Variants in PTRH1 observed in about 807,000 individuals in gnomAD.
PTRH1 encodes the protein peptidyl-tRNA hydrolase 1 homolog.
A neutral mutation model predicts 15.7 loss-of-function variants in PTRH1; 13 were observed. That is an observed-to-expected ratio of 0.83 (90% CI 0.54 to 1.31). The LOEUF (loss-of-function observed/expected upper bound fraction) is 1.31. PTRH1 is among the 40% of genes most tolerant of loss of function. The probability of loss-of-function intolerance (pLI) is 0.00; values close to 1 mark genes in which losing one functional copy is unlikely to be tolerated. For missense variants in PTRH1, 319 were observed against 296.2 expected (o/e 1.08, Z -0.56); for synonymous variants, 139 against 136.7 (o/e 1.02, Z -0.12).
chr9:127,713,079 C>A (rs1564367499), downstream of PTRH1: 1 of 1,613,872 alleles, frequency 6.2e-7, no homozygotes, highest in African/African-American at 1.3e-5. Context: ...TCTGACATCA[C>A]CCCCTACCAG....
Position 127,705,734 on chromosome 9 carries a change from G to A in PTRH1, c.205+9701C>T, listed in dbSNP as rs911534896. Among the ~76,000 whole-genome samples the A allele has an allele frequency of 2.6e-5, 4 of 152,222 alleles. No individual in the cohort carries two copies. The highest frequency in any genetic ancestry group is 4.4e-5 in the Non-Finnish European group (3 of 68,038). The stretch of plus-strand genomic sequence containing the variant: ...GGGGAGGGGGCAATGTCCAGCAGGA[G>A]CAGGGCCATCGCATTGAGCTGGAAG... On this transcript the variant is annotated intron_variant, in intron 1 of 2. Transcript: ENST00000335223. The surrounding 1 kb of genome is among the most constrained non-coding windows in gnomAD (Gnocchi z 4.7).
chr9:127,714,724 C>T (rs369035380), intron 2 of PTRH1, 22 bp from the exon 3 acceptor site: 7 of 1,585,512 alleles, frequency 4.4e-6, no homozygotes, highest in Non-Finnish European at 5.2e-6. Flanking sequence ...GAAACGGCAG[C>T]CCTGGTTACT....
intron 1 of PTRH1, among the ~76,000 whole-genome samples, chr9:127,699,442 T>C (rs1356845692): frequency 6.6e-6 from 1 of 152,120 alleles, no homozygotes; most frequent in Admixed American, 6.5e-5. Context: ...CTTCCGGGGC[T>C]AGTAAGCGTC....
intron 1 of PTRH1, among the ~76,000 whole-genome samples, chr9:127,703,443 A>AAGAGAG (rs758847128): frequency 6.6e-6 from 1 of 151,572 alleles, no homozygotes; most frequent in East Asian, 1.9e-4. Flanking sequence ...AAGAGAAAGA[A>AAGAGAG]AGAGAGAGAG....
At position 127,715,531 on chromosome 9, in the gene PTRH1, C is replaced by G; in HGVS notation, c.96+13G>C. On this transcript the variant is annotated intron_variant, in intron 1 of 4. Transcript: ENST00000543175. The surrounding 1 kb of genome is among the most constrained non-coding windows in gnomAD (Gnocchi z 5.8). ...GACCGGGAGCCCCTACGTCGCCGCC[C>G]CACGCCACTCACCATCCACCGCTTC... The G allele has an allele frequency of 6.2e-7, 1 of 1,613,408 alleles. No individual in the cohort carries two copies. The highest frequency in any genetic ancestry group is 8.5e-7 in the Non-Finnish European group (1 of 1,180,028).
intron 1 of PTRH1, among the ~76,000 whole-genome samples, chr9:127,699,783 C>T (rs1264379247): frequency 1.3e-5 from 2 of 151,876 alleles, no homozygotes; most frequent in East Asian, 3.8e-4. Context: ...CCTAGGAGAA[C>T]AGGCACTTTT....
intron 1 of PTRH1, among the ~76,000 whole-genome samples, chr9:127,703,449 G>A (rs542106916): frequency 1.3e-5 from 2 of 152,096 alleles, no homozygotes; most frequent in South Asian, 4.2e-4. Flanking sequence ...AAGAAAGAGA[G>A]AGAGAGAGAA....
downstream of PTRH1, among the ~76,000 whole-genome samples, chr9:127,710,348 G>A (rs1357634921): frequency 6.6e-6 from 1 of 151,726 alleles, no homozygotes; most frequent in Non-Finnish European, 1.5e-5. Context: ...TATCAAGGAA[G>A]GCTTCTTGGA....
Position 127,715,080 on chromosome 9 carries a change from G to GC in PTRH1, c.210dup (p.His71AlafsTer51). 4 of 1,531,790 alleles carry GC rather than the reference G, an allele frequency of 2.6e-6. No individual in the cohort carries two copies. The highest frequency in any genetic ancestry group is 2.6e-6 in the Non-Finnish European group (3 of 1,145,132). The allele number at this position is 1,531,790 out of a possible 1,614,324, so 94.9% of individuals were successfully genotyped here. A position where few individuals can be genotyped will look rare whatever the true frequency, so the allele number is the denominator to read the frequency against. Reference sequence around the variant, plus strand: ...GCCAGGGCGAGGTCGGCGGCACAGTGCCGGTCGCGCGTCCAACTCTCCGCC... The same window carrying GC: ...GCCAGGGCGAGGTCGGCGGCACAGTGCCCGGTCGCGCGTCCAACTCTCCGCC... On this transcript the variant is annotated frameshift_variant, in exon 2 of 5. Transcript: ENST00000543175. LOFTEE classifies it high-confidence loss of function. This position sits in a 1 kb window ranked among gnomAD's most constrained non-coding sequence, Gnocchi z 5.8.
At chr9:127,704,386 T>A (rs1842626105) in intron 1 of PTRH1, among the ~76,000 whole-genome samples, 1 of 151,056 alleles carries the variant, frequency 6.6e-6, no homozygotes. Context: ...TGCGTGCGTG[T>A]AGTCCCCAGC....
intron 3 of PTRH1, 63 bp downstream of exon 3, chr9:127,714,540 C>G (rs139027657): frequency 0.01 from 15,945 of 1,591,916 alleles, 87 homozygotes; most frequent in Non-Finnish European, 0.012. Flanking sequence ...GTCAGCAGCC[C>G]TACTCCACCC....
chr9:127,698,074 C>A (rs1753916320), intron 1 of PTRH1, among the ~76,000 whole-genome samples: 1 of 152,028 alleles, frequency 6.6e-6, no homozygotes, highest in South Asian at 2.1e-4. Flanking sequence ...GCAAGAACTC[C>A]TATACTCAAC....
At chr9:127,706,665 A>G (rs1842652380) in intron 1 of PTRH1, among the ~76,000 whole-genome samples, 2 of 152,212 alleles carry the variant, frequency 1.3e-5, no homozygotes, top group Non-Finnish European at 2.9e-5. Context: ...TTGTGTGCCC[A>G]GGGTTAGTGT....
downstream of PTRH1, chr9:127,711,378 T>G (rs1160881201): frequency 1.9e-6 from 3 of 1,614,208 alleles, no homozygotes; most frequent in Admixed American, 1.7e-5. Context: ...CAGCAAGGCA[T>G]GAAGCTGCTG....
At chr9:127,695,508 G>T in intron 1 of PTRH1, 1 of 203,204 alleles carries the variant, frequency 4.9e-6, no homozygotes, top group East Asian at 1.2e-4. Context: ...GGAATGCGGA[G>T]GGCAGCCACT....
At chr9:127,699,409 G>C (rs1188380623) in intron 1 of PTRH1, among the ~76,000 whole-genome samples, 1 of 152,232 alleles carries the variant, frequency 6.6e-6, no homozygotes, top group Non-Finnish European at 1.5e-5. Context: ...CGCGGCCTCG[G>C]GACTGGGCTT....
At chr9:127,709,509 T>A, downstream of PTRH1, 2 of 1,614,074 alleles carry the variant, frequency 1.2e-6, no homozygotes, top group Non-Finnish European at 1.7e-6. The surrounding 1 kb of genome is among the most constrained non-coding windows in gnomAD (Gnocchi z 4.7). Flanking sequence ...AGAAGGAGAT[T>A]GTGGCCTTCC....
At chr9:127,713,592 C>T (rs761048974), downstream of PTRH1, 17 of 427,872 alleles carry the variant, frequency 4.0e-5, 1 homozygote, top group South Asian at 3.0e-4. Context: ...CAGCAACCTC[C>T]GCCTCCCAGG....
intron 1 of PTRH1, among the ~76,000 whole-genome samples, chr9:127,706,653 C>T (rs1332300474): frequency 6.6e-6 from 1 of 152,204 alleles, no homozygotes; most frequent in Admixed American, 6.5e-5. Context: ...GCAGAACAGG[C>T]TTTGTGTGCC....
Sources: gnomAD v4.1 joint callset for allele counts (sites outside exome capture counted in the v4.1 genomes callset) on GRCh38, gnomAD v4.1.1 for gene constraint, Gnocchi (gnomAD v3.1) non-coding constraint, MANE v1.5 for transcripts, NCBI Gene and HGNC (gene_info 2026-07-23, HGNC 2026-07-21) for gene names.